ALK: variants seen among roughly 807,000 people sequenced by gnomAD.
ALK encodes the protein ALK receptor tyrosine kinase.
A neutral mutation model predicts 163.1 loss-of-function variants in ALK; 74 were observed. That is an observed-to-expected ratio of 0.45 (90% CI 0.38 to 0.55). The LOEUF (loss-of-function observed/expected upper bound fraction) is 0.55, where lower values mean the gene tolerates loss of function less well. Ranked by LOEUF, ALK falls within the 20% of genes least tolerant of loss-of-function variation. The pLI is 0.00. For missense variants in ALK, 2,063 were observed against 2,105.3 expected (o/e 0.98, Z 0.39); for synonymous variants, 960 against 843.2 (o/e 1.14, Z -2.40).
chr2:29,831,426 T>C (rs1665417474), intron 1 of ALK, among the ~76,000 whole-genome samples: 1 of 151,882 alleles, frequency 6.6e-6, no homozygotes, highest in African/African-American at 2.4e-5. Flanking sequence ...GAAGCATGCT[T>C]TAGAGCTTCT....
At chr2:29,712,848 C>T (rs1679140823) in intron 2 of ALK, among the ~76,000 whole-genome samples, 1 of 152,046 alleles carries the variant, frequency 6.6e-6, no homozygotes, top group Non-Finnish European at 1.5e-5. Context: ...TTTTGTTGTG[C>T]TTAGATGTTG....
At chr2:29,576,225 CA>C (rs1213636961) in intron 3 of ALK, among the ~76,000 whole-genome samples, 1 of 152,186 alleles carries the variant, frequency 6.6e-6, no homozygotes, top group East Asian at 1.9e-4. Flanking sequence ...TAAATAATCA[CA>C]AGGCATTAAG....
At chr2:29,444,306 C>T (rs542843418) in intron 4 of ALK, among the ~76,000 whole-genome samples, 9 of 152,146 alleles carry the variant, frequency 5.9e-5, no homozygotes, top group Non-Finnish European at 1.3e-4. Flanking sequence ...GTGCAAGATG[C>T]AGGGCAGGCA....
intron 3 of ALK, among the ~76,000 whole-genome samples, chr2:29,606,707 A>G (rs1250552847): frequency 1.3e-5 from 2 of 152,206 alleles, no homozygotes; most frequent in African/African-American, 4.8e-5. Flanking sequence ...CCTATTGTCT[A>G]TGGTTGTTTT....
At chr2:29,386,424 A>C (rs1426029220) in intron 4 of ALK, among the ~76,000 whole-genome samples, 1 of 152,242 alleles carries the variant, frequency 6.6e-6, no homozygotes, top group African/African-American at 2.4e-5. Flanking sequence ...TGAGAAGAAC[A>C]TGTAAACAAG....
At chr2:29,207,438 A>T (rs1669342061) in intron 25 of ALK, among the ~76,000 whole-genome samples, 166 bp from the exon 26 acceptor site, 1 of 152,250 alleles carries the variant, frequency 6.6e-6, no homozygotes, top group South Asian at 2.1e-4. Context: ...CACACAGATC[A>T]TTTAGTTAAG....
chr2:29,909,584 T>C (rs1042814447), intron 1 of ALK, among the ~76,000 whole-genome samples: 2 of 151,962 alleles, frequency 1.3e-5, no homozygotes, highest in African/African-American at 4.8e-5. Flanking sequence ...TGTGCATTCA[T>C]ACAGTGAGAT....
At chr2:29,862,850 C>G (rs1666329680) in intron 1 of ALK, among the ~76,000 whole-genome samples, 1 of 150,282 alleles carries the variant, frequency 6.7e-6, no homozygotes, top group African/African-American at 2.4e-5. Context: ...GGGCATCACA[C>G]TACCTGATTT....
intron 4 of ALK, among the ~76,000 whole-genome samples, chr2:29,508,458 A>C (rs1032352186): frequency 6.6e-6 from 1 of 152,062 alleles, no homozygotes; most frequent in East Asian, 1.9e-4. Flanking sequence ...AAAAAACCAA[A>C]CACCGCGTGT....
chr2:29,261,457 A>G (rs948308722), intron 11 of ALK, among the ~76,000 whole-genome samples: 1 of 151,676 alleles, frequency 6.6e-6, no homozygotes, highest in Non-Finnish European at 1.5e-5. Context: ...CATTTTTTAA[A>G]TGTAGAAATC....
chr2:29,577,422 T>A (rs939177721), intron 3 of ALK, among the ~76,000 whole-genome samples: 4 of 152,162 alleles, frequency 2.6e-5, no homozygotes, highest in African/African-American at 9.7e-5. Flanking sequence ...AAAAGAAATT[T>A]AACGAGCAGT....
At chr2:29,449,732 C>A (rs6707307) in intron 4 of ALK, among the ~76,000 whole-genome samples, 13 of 152,212 alleles carry the variant, frequency 8.5e-5, no homozygotes, top group South Asian at 4.1e-4. Flanking sequence ...TATCTCAGAA[C>A]CCCCATCTGT....
At chr2:29,906,659 T>G (rs1332804120) in intron 1 of ALK, among the ~76,000 whole-genome samples, 1 of 152,184 alleles carries the variant, frequency 6.6e-6, no homozygotes, top group Non-Finnish European at 1.5e-5. Context: ...TTACTGGCTG[T>G]GCAACCTGGA....
chr2:29,903,834 A>G (rs1667474365), intron 1 of ALK, among the ~76,000 whole-genome samples: 1 of 152,180 alleles, frequency 6.6e-6, no homozygotes, highest in East Asian at 1.9e-4. Flanking sequence ...CTGCTTTATG[A>G]AATTCTAACG....
chr2:29,743,856 T>C (rs1233244871), intron 1 of ALK, among the ~76,000 whole-genome samples: 1 of 151,976 alleles, frequency 6.6e-6, no homozygotes, highest in East Asian at 1.9e-4. Context: ...TGCTAGACAA[T>C]TGGATCAGGA....
intron 1 of ALK, among the ~76,000 whole-genome samples, chr2:29,808,717 C>T (rs1215429203): frequency 6.6e-6 from 1 of 152,234 alleles, no homozygotes; most frequent in Non-Finnish European, 1.5e-5. Flanking sequence ...TGGCTGATCA[C>T]TGCCTTTCCA....
In ALK at chr2:29,690,143, G is replaced by C. The variant is rs1479852359; in HGVS notation, c.952+4707C>G. Among the ~76,000 whole-genome samples, 3 of 152,198 alleles carry C rather than the reference G, an allele frequency of 2.0e-5. No individual in the cohort carries two copies. The East Asian group carries it at 5.8e-4, about 29-fold the overall frequency. On this transcript the variant is annotated intron_variant, in intron 3 of 28. Transcript: ENST00000389048. ...TCAAAAATTTGAATGACCCCATTCT[G>C]CTGTTGCAATACCCTAGTCATGTGT...
intron 1 of ALK, among the ~76,000 whole-genome samples, chr2:29,886,182 A>G (rs1413792345): frequency 2.0e-5 from 3 of 152,242 alleles, no homozygotes; most frequent in Non-Finnish European, 4.4e-5. Context: ...TTATTGTAAG[A>G]ACACAGTATA....
intron 20 of ALK, 99 bp from the exon 21 acceptor site, chr2:29,222,706 C>G (rs2148169718): frequency 9.9e-7 from 1 of 1,011,694 alleles, no homozygotes; most frequent in Non-Finnish European, 1.5e-6. Flanking sequence ...AGTGGACAAA[C>G]ACGAGAGGCG....
Sources: allele counts gnomAD v4.1 joint callset (sites outside exome capture counted in the v4.1 genomes callset), GRCh38; gene constraint gnomAD v4.1.1; transcripts MANE v1.5; gene names NCBI Gene and HGNC (gene_info 2026-07-23, HGNC 2026-07-21).